Variants in PCDHA6 observed in about 807,000 individuals in gnomAD.
PCDHA6 encodes the protein protocadherin alpha-6.
A neutral mutation model predicts 60.3 loss-of-function variants in PCDHA6; 55 were observed. That is an observed-to-expected ratio of 0.91 (90% confidence interval 0.73 to 1.14). PCDHA6 has a LOEUF of 1.14. Among genes scored for constraint, PCDHA6 ranks in the 50% most tolerant of loss-of-function variants. The pLI is 0.00. For missense variants in PCDHA6, 1,327 were observed against 1,256.5 expected (o/e 1.06, Z -0.85); for synonymous variants, 652 against 557.9 (o/e 1.17, Z -2.38).
At chr5:140,836,507 C>T (rs1412547967) in intron 1 of PCDHA6, 3 of 1,613,748 alleles carry the variant, frequency 1.9e-6, no homozygotes, top group Non-Finnish European at 2.5e-6. Flanking sequence ...GCGCGGTGTC[C>T]AGTCTGTTGG....
At chr5:141,006,880 G>A (rs1554260955) in intron 3 of PCDHA6, among the ~76,000 whole-genome samples, 1 of 152,192 alleles carries the variant, frequency 6.6e-6, no homozygotes, top group Non-Finnish European at 1.5e-5. Flanking sequence ...GAGGAATCAA[G>A]AGTTTGATTT....
rs574855184 is a variant in PCDHA6 at position 140,890,340 on chromosome 5, G to C, written c.2394+59855G>C. ...TTTAAGATATTAGGTAGTTGGGATG[G>C]TTTACTATATAGCAATGGATAACCT... On this transcript the variant is annotated intron_variant, in intron 1 of 3. Coordinates refer to ENST00000529310, the MANE Select transcript of PCDHA6 (RefSeq NM_018909.4). 9.1e-4 allele frequency among the ~76,000 whole-genome samples: 139 copies of C among 152,222 alleles called. 2 individuals are homozygous for C. The Middle Eastern group carries it at 0.017, about 19-fold the overall frequency.
chr5:140,881,039 A>G (rs1554171692), intron 1 of PCDHA6, among the ~76,000 whole-genome samples: 1 of 152,262 alleles, frequency 6.6e-6, no homozygotes, highest in Non-Finnish European at 1.5e-5. Context: ...CATTTCCTAT[A>G]GAGTTGTGCA....
At chr5:140,959,412 A>G (rs2153722176) in intron 1 of PCDHA6, among the ~76,000 whole-genome samples, 1 of 152,256 alleles carries the variant, frequency 6.6e-6, no homozygotes, top group African/African-American at 2.4e-5. Context: ...GTGTTGATTG[A>G]TCTGAGAATT....
intron 1 of PCDHA6, among the ~76,000 whole-genome samples, chr5:140,892,327 C>T (rs1399330185): frequency 6.6e-6 from 1 of 152,154 alleles, no homozygotes; most frequent in Non-Finnish European, 1.5e-5. Flanking sequence ...TTTCTTTCTC[C>T]AGAATGGATT....
chr5:140,861,274 GCT>G lies in PCDHA6; in HGVS notation c.2394+30790_2394+30791del, dbSNP rs538032435. The G allele has an allele frequency of 1.4e-4, 25 of 180,670 alleles. 1 individual carries two copies. In the South Asian group the frequency reaches 2.9e-3, roughly 21 times the overall value. 11.2% of individuals were successfully genotyped at this position (180,670 alleles called of 1,614,324 possible). On this transcript the variant is annotated intron_variant, in intron 1 of 3. Transcript: ENST00000529310. The stretch of plus-strand genomic sequence containing the variant: ...AGGAATCCCGGAGCCTACAGCACTG[GCT>G]TCTGCTCCTTGAATTTTGTGAAGCG...
rs546348432 is a variant in PCDHA6, at chr5:141,012,203, T to G, written c.*2266T>G. ...TTATAATGTATCTGTACAGCACTTTTTACATTTGCGAAGTGCTTTCCAATC... is the reference window on the plus strand; with the variant it reads ...TTATAATGTATCTGTACAGCACTTTGTACATTTGCGAAGTGCTTTCCAATC... On this transcript the variant is annotated 3_prime_UTR_variant, in exon 4 of 4. Transcript: ENST00000529310. 2.0e-5 allele frequency: 3 copies of G among 153,792 alleles called. No individual in the cohort carries two copies. The highest frequency in any genetic ancestry group is 4.4e-5 in the Non-Finnish European group (3 of 68,050). The allele number at this position is 153,792 out of a possible 1,614,324, so 9.5% of individuals were successfully genotyped here.
chr5:140,833,788 C>T (rs1397261820), intron 1 of PCDHA6, among the ~76,000 whole-genome samples: 1 of 152,046 alleles, frequency 6.6e-6, no homozygotes, highest in Non-Finnish European at 1.5e-5. Context: ...GTTTCTCTTT[C>T]ATCAATCAGT....
intron 1 of PCDHA6, among the ~76,000 whole-genome samples, chr5:140,936,540 G>A (rs1320380132): frequency 6.6e-6 from 1 of 152,174 alleles, no homozygotes; most frequent in East Asian, 1.9e-4. Context: ...TGAATATAGT[G>A]CAATGTAGAA....
Position 140,870,220 on chromosome 5 carries a change from G to A in PCDHA6, c.2394+39735G>A, listed in dbSNP as rs199741132. 3.2e-5 allele frequency: 52 copies of A among 1,614,042 alleles called. No individual in the cohort carries two copies. The highest frequency in any genetic ancestry group is 2.7e-5 in the Non-Finnish European group (32 of 1,180,040). ...CAGCACGGTCATTGCCCTGATCAGC[G>A]TGTCTGACCGTGACTCAGGTGTCAA... On this transcript the variant is annotated intron_variant, in intron 1 of 3. Transcript: ENST00000529310.
At position 140,850,808 on chromosome 5, in the gene PCDHA6, C is replaced by T. The variant is rs2150499098; in HGVS notation, c.2394+20323C>T. 20 of 1,598,280 alleles carry T rather than the reference C, an allele frequency of 1.3e-5. No homozygotes were observed. The South Asian group carries it at 2.2e-4, about 18-fold the overall frequency. On this transcript the variant is annotated intron_variant, in intron 1 of 3. Transcript: ENST00000529310. The stretch of plus-strand genomic sequence containing the variant: ...GTAAGCAGAAGACCGACCTCATGGC[C>T]TTCAGCCCGGGCCTTTCTCCTTGTG...
rs2150496669 is a variant in PCDHA6 at position 140,850,740 on chromosome 5, T to A, written c.2394+20255T>A. 3.1e-6 allele frequency: 5 copies of A among 1,597,562 alleles called. 1 individual carries two copies. The highest frequency in any genetic ancestry group is 3.4e-6 in the Non-Finnish European group (4 of 1,167,476). On this transcript the variant is annotated intron_variant, in intron 1 of 3. Coordinates refer to ENST00000529310, the MANE Select transcript of PCDHA6 (RefSeq NM_018909.4). Reference sequence around the variant, plus strand: ...GTGTTCTAGCGCGGTGGGGAGTTGGTCGTACTCGCAGCAGAGGAGGCAGAG... The same window carrying A: ...GTGTTCTAGCGCGGTGGGGAGTTGGACGTACTCGCAGCAGAGGAGGCAGAG...
At chr5:140,879,257 G>A (rs782639090) in intron 1 of PCDHA6, among the ~76,000 whole-genome samples, 3 of 152,202 alleles carry the variant, frequency 2.0e-5, no homozygotes, top group Non-Finnish European at 4.4e-5. Flanking sequence ...AGTAGAAGCA[G>A]CCAGATAATG....
At chr5:140,898,383 G>A (rs1416953064) in intron 1 of PCDHA6, among the ~76,000 whole-genome samples, 1 of 152,164 alleles carries the variant, frequency 6.6e-6, no homozygotes, top group South Asian at 2.1e-4. Flanking sequence ...GTAAGGAAGG[G>A]ATCCAGTTTC....
chr5:140,856,154 G>C lies in PCDHA6; in HGVS notation c.2394+25669G>C, dbSNP rs147800828. The stretch of plus-strand genomic sequence containing the variant: ...CGGCCAGCTCCACTACTCAGTCTAC[G>C]AGGAGGCCAGACACGGCACCTTCGT... On this transcript the variant is annotated intron_variant, in intron 1 of 3. Transcript: ENST00000529310. 5.9e-5 allele frequency: 95 copies of C among 1,598,194 alleles called. 6 individuals are homozygous for C. The highest frequency in any genetic ancestry group is 7.7e-5 in the Non-Finnish European group (90 of 1,167,888).
In PCDHA6 at chr5:140,857,722, C is replaced by A. The variant is rs371525843; in HGVS notation, c.2394+27237C>A. The A allele has an allele frequency of 6.9e-6, 11 of 1,597,318 alleles. 1 individual carries two copies. Among genetic ancestry groups the A allele is most frequent in the Non-Finnish European group, 9.4e-6 (11 of 1,167,728 alleles). On this transcript the variant is annotated intron_variant, in intron 1 of 3. Coordinates refer to ENST00000529310, the MANE Select transcript of PCDHA6 (RefSeq NM_018909.4). ...TGCAGGTGTTCGTGCTGGACGAGAA[C>A]GACAACGCTCCCGCGCTGCTGGCGT... is the stretch of plus-strand genomic sequence containing the variant.
chr5:140,856,495 T>G lies in PCDHA6; in HGVS notation c.2394+26010T>G, dbSNP rs1554148773. 5.0e-6 allele frequency: 8 copies of G among 1,598,330 alleles called. 1 individual carries two copies. Among genetic ancestry groups the G allele is most frequent in the African/African-American group, 2.7e-5 (2 of 74,276 alleles). ...TACCTGAATCCAGACTGCTTGACTC[T>G]CGATTTCCACTAGAAGGCGCATCTG... On this transcript the variant is annotated intron_variant, in intron 1 of 3. Transcript: ENST00000529310.
chr5:140,883,551 G>T, intron 1 of PCDHA6: 4 of 1,614,234 alleles, frequency 2.5e-6, no homozygotes, highest in Non-Finnish European at 3.4e-6. Flanking sequence ...GTGACCGCGC[G>T]GGACGGGGGC....
intron 3 of PCDHA6, among the ~76,000 whole-genome samples, chr5:140,996,702 T>A (rs2097740306): frequency 6.6e-6 from 1 of 152,174 alleles, no homozygotes; most frequent in African/African-American, 2.4e-5. Context: ...TGAACCTCTA[T>A]CTCTTTGATT....
Sources: gnomAD v4.1 joint callset for allele counts (sites outside exome capture counted in the v4.1 genomes callset) on GRCh38, gnomAD v4.1.1 for gene constraint, MANE v1.5 for transcripts, NCBI Gene and HGNC (gene_info 2026-07-23, HGNC 2026-07-21) for gene names.